The following RALGAPA2 variants were observed in gnomAD, a reference collection of about 807,000 sequenced individuals.
The protein encoded by RALGAPA2 is ral GTPase-activating protein subunit alpha-2.
In RALGAPA2, 139 loss-of-function variants were observed where a neutral mutation model predicts 230.4. The observed-to-expected ratio is 0.60, with a 90% CI of 0.53 to 0.69. The LOEUF is 0.69. Ranked by LOEUF, RALGAPA2 falls within the 30% of genes least tolerant of loss-of-function variation. RALGAPA2 has a pLI of 0.00. For synonymous variants in RALGAPA2, 847 were observed against 837.8 expected (o/e 1.01, Z -0.19); for missense variants, 2,163 against 2,276.0 (o/e 0.95, Z 1.01).
At chr20:20,443,369 G>C (rs1445866083) in intron 37 of RALGAPA2, among the ~76,000 whole-genome samples, 1 of 152,198 alleles carries the variant, frequency 6.6e-6, no homozygotes, top group Admixed American at 6.5e-5. Context: ...AGTCCAGATA[G>C]TGACTCTTCT....
At chr20:20,463,945 T>A (rs2061358963) in intron 37 of RALGAPA2, among the ~76,000 whole-genome samples, 1 of 152,138 alleles carries the variant, frequency 6.6e-6, no homozygotes, top group Admixed American at 6.5e-5. Context: ...GGAACAACAG[T>A]GGAATTTGTG....
chr20:20,644,858 C>G (rs2067154843), intron 4 of RALGAPA2, among the ~76,000 whole-genome samples: 1 of 152,200 alleles, frequency 6.6e-6, no homozygotes, highest in Non-Finnish European at 1.5e-5. Context: ...AGAGTTTGTT[C>G]TAAGTCAGTT....
At chr20:20,518,705 T>C (rs2062948615) in intron 31 of RALGAPA2, among the ~76,000 whole-genome samples, 1 of 152,222 alleles carries the variant, frequency 6.6e-6, no homozygotes, top group Non-Finnish European at 1.5e-5. Context: ...TGTATATTTT[T>C]AGGTTTTTCC....
At chr20:20,592,748 G>A (rs2065330775) in intron 16 of RALGAPA2, among the ~76,000 whole-genome samples, 1 of 152,084 alleles carries the variant, frequency 6.6e-6, no homozygotes, top group South Asian at 2.1e-4. Context: ...GAGTCATAAG[G>A]CAAACTGATG....
intron 37 of RALGAPA2, among the ~76,000 whole-genome samples, chr20:20,464,352 T>G (rs931284991): frequency 1.3e-5 from 2 of 152,204 alleles, no homozygotes; most frequent in African/African-American, 4.8e-5. Context: ...CCTGTTTTAT[T>G]TATGTGTATA....
intron 10 of RALGAPA2, among the ~76,000 whole-genome samples, chr20:20,621,763 T>G (rs1261309414): frequency 6.6e-6 from 1 of 152,234 alleles, no homozygotes; most frequent in Non-Finnish European, 1.5e-5. Flanking sequence ...TGCTTTTCGC[T>G]TATCAGTTTT....
In RALGAPA2 at chr20:20,513,296, G is replaced by A. The variant is rs780396521; in HGVS notation, c.4085-12C>T. The A allele has an allele frequency of 3.4e-5, 48 of 1,429,774 alleles. No individual in the cohort carries two copies. Among genetic ancestry groups the A allele is most frequent in the South Asian group, 1.5e-4 (8 of 53,152 alleles). The allele number at this position is 1,429,774 out of a possible 1,614,324, so 88.6% of individuals were successfully genotyped here. ...TCTTCTCTTCTTCTCTGTAAACAGC[G>A]GTAAAGAAACATAAAGAGTCAGTGG... On this transcript the variant is annotated splice_polypyrimidine_tract_variant and intron_variant, in intron 31 of 39. Transcript: ENST00000202677.
intron 23 of RALGAPA2, among the ~76,000 whole-genome samples, chr20:20,570,921 G>T (rs1175401610): frequency 6.6e-6 from 1 of 152,208 alleles, no homozygotes; most frequent in Non-Finnish European, 1.5e-5. Context: ...CCTACAAGGA[G>T]GAAGAGGTAG....
chr20:20,681,450 G>A (rs1465887915), intron 1 of RALGAPA2, among the ~76,000 whole-genome samples: 1 of 152,170 alleles, frequency 6.6e-6, no homozygotes, highest in Non-Finnish European at 1.5e-5. Flanking sequence ...TAGATAGGCG[G>A]GGGTGTGGGG....
chr20:20,448,186 T>C (rs2060907313), intron 37 of RALGAPA2, among the ~76,000 whole-genome samples: 1 of 152,204 alleles, frequency 6.6e-6, no homozygotes, highest in African/African-American at 2.4e-5. Flanking sequence ...AGAGTTAATA[T>C]TGTGATGAAA....
At chr20:20,710,941 C>T (rs1055766068) in intron 1 of RALGAPA2, among the ~76,000 whole-genome samples, 9 of 152,180 alleles carry the variant, frequency 5.9e-5, no homozygotes, top group African/African-American at 2.2e-4. Flanking sequence ...ACCAGGAACT[C>T]CACACAATGC....
At chr20:20,572,779 G>C in intron 21 of RALGAPA2, 96 bp downstream of exon 21, 1 of 1,034,776 alleles carries the variant, frequency 9.7e-7, no homozygotes, top group Non-Finnish European at 1.3e-6. Flanking sequence ...TTTGTGTTTC[G>C]GAATATGTTC....
intron 16 of RALGAPA2, among the ~76,000 whole-genome samples, chr20:20,591,733 A>G (rs1233367525): frequency 6.6e-6 from 1 of 152,080 alleles, no homozygotes; most frequent in Admixed American, 6.5e-5. Flanking sequence ...AGATGAAAGG[A>G]AATGTGGGAA....
At chr20:20,408,655 T>TGAA (rs2059994975) in intron 38 of RALGAPA2, among the ~76,000 whole-genome samples, 1 of 152,164 alleles carries the variant, frequency 6.6e-6, no homozygotes. Flanking sequence ...AGTTAACCCT[T>TGAA]TCAAGGCCTC....
At chr20:20,448,583 G>A (rs2060916710) in intron 37 of RALGAPA2, among the ~76,000 whole-genome samples, 1 of 152,158 alleles carries the variant, frequency 6.6e-6, no homozygotes, top group South Asian at 2.1e-4. Flanking sequence ...AAGAAACACA[G>A]TTGTTACTCC....
At chr20:20,397,960 G>C (rs1329849591) in intron 38 of RALGAPA2, among the ~76,000 whole-genome samples, 1 of 152,136 alleles carries the variant, frequency 6.6e-6, no homozygotes, top group African/African-American at 2.4e-5. Context: ...TGTGCTCTTT[G>C]GGCACAAGAG....
At chr20:20,479,934 T>C (rs1387744585) in intron 36 of RALGAPA2, among the ~76,000 whole-genome samples, 1 of 152,196 alleles carries the variant, frequency 6.6e-6, no homozygotes, top group African/African-American at 2.4e-5. Context: ...GGATACAGAA[T>C]ACATTCACCA....
intron 18 of RALGAPA2, among the ~76,000 whole-genome samples, chr20:20,585,337 G>A (rs1340161343): frequency 6.6e-6 from 1 of 152,088 alleles, no homozygotes; most frequent in Non-Finnish European, 1.5e-5. Context: ...TGTGCTGGTA[G>A]GGAAGGCGCA....
chr20:20,526,355 T>G lies in RALGAPA2; in HGVS notation c.3590A>C (p.Asn1197Thr). 3 of 1,589,770 alleles carry G rather than the reference T, an allele frequency of 1.9e-6. No homozygotes were observed. Among genetic ancestry groups the G allele is most frequent in the Non-Finnish European group, 2.6e-6 (3 of 1,170,134 alleles). ...GCAAGCTACCTGGGCCACGATTTTGTTGGGAAACTATAAAAGGAAACCGAA... is the reference window on the plus strand; with the variant it reads ...GCAAGCTACCTGGGCCACGATTTTGGTGGGAAACTATAAAAGGAAACCGAA... The part of the protein sequence containing the change: ...NVIGVTLKFP[N>T]KIVAQVACDV... Residue 1197 changes from asparagine to threonine, a missense_variant, in exon 28 of 40, where the codon AAC becomes ACC. Coordinates refer to ENST00000202677, the MANE Select transcript of RALGAPA2 (RefSeq NM_020343.4).
Sources: allele counts gnomAD v4.1 joint callset (sites outside exome capture counted in the v4.1 genomes callset), GRCh38; gene constraint gnomAD v4.1.1; transcripts MANE v1.5; gene names NCBI Gene and HGNC (gene_info 2026-07-23, HGNC 2026-07-21).